Variants in ADGRL3 observed in about 807,000 individuals in gnomAD.
ADGRL3 encodes calcium-independent alpha-latrotoxin receptor 3.
Under a neutral mutation model 153.5 loss-of-function variants are expected in ADGRL3, and 62 were observed. That is an observed-to-expected ratio of 0.40 (90% CI 0.33 to 0.50). The LOEUF (loss-of-function observed/expected upper bound fraction) is 0.50, where lower values mean the gene tolerates loss of function less well. Among genes scored for constraint, ADGRL3 ranks in the 20% least tolerant of loss-of-function variants. The pLI is 0.47. For missense variants in ADGRL3, 1,641 were observed against 1,859.4 expected (o/e 0.88, Z 2.16); for synonymous variants, 710 against 672.5 (o/e 1.06, Z -0.86).
At chr4:61,621,838 A>G (rs1279156605) in intron 5 of ADGRL3, among the ~76,000 whole-genome samples, 2 of 152,150 alleles carry the variant, frequency 1.3e-5, no homozygotes, top group African/African-American at 2.4e-5. Context: ...AAATAGTTAT[A>G]TGTCTCCTTT....
At chr4:61,294,903 T>TCACACA (rs3035670) in intron 1 of ADGRL3, among the ~76,000 whole-genome samples, 1 of 130,936 alleles carries the variant, frequency 7.6e-6, no homozygotes, top group East Asian at 2.4e-4. Context: ...ACACACACAC[T>TCACACA]CACACACACA....
At position 61,909,761 on chromosome 4, in the gene ADGRL3, ATGTGTGTGTGTGTGTGTGTGTGTGTGTG is replaced by A. The variant is rs58884223; in HGVS notation, c.2073+30_2073+57del. 5.0e-6 allele frequency: 6 copies of A among 1,196,324 alleles called. No homozygotes were observed. Among genetic ancestry groups the A allele is most frequent in the African/African-American group, 1.6e-5 (1 of 62,350 alleles). The allele number at this position is 1,196,324 out of a possible 1,614,324, so 74.1% of individuals were successfully genotyped here. ...TTTGAACAAGGTAAGGACCCTAATT[ATGTGTGTGTGTGTGTGTGTGTGTGTGTG>A]TGTGTGTGTGTGTCTTTAAAGTTGT... On this transcript the variant is annotated intron_variant, in intron 12 of 26. Transcript: ENST00000683033.
chr4:61,326,599 A>G (rs1228099112), intron 1 of ADGRL3, among the ~76,000 whole-genome samples: 6 of 140,730 alleles, frequency 4.3e-5, no homozygotes, highest in African/African-American at 1.3e-4. Context: ...ATGCCAGATA[A>G]TGTGTGTGTG....
At chr4:61,335,658 T>A (rs768442867) in intron 1 of ADGRL3, among the ~76,000 whole-genome samples, 2 of 152,112 alleles carry the variant, frequency 1.3e-5, no homozygotes, top group Non-Finnish European at 2.9e-5. Context: ...TGGCTGATGA[T>A]TTGAGGAAAT....
intron 2 of ADGRL3, among the ~76,000 whole-genome samples, chr4:61,487,870 A>C (rs1271488475): frequency 2.0e-5 from 3 of 152,042 alleles, no homozygotes; most frequent in African/African-American, 7.2e-5. Context: ...GAGTCAAGCA[A>C]GTGTTTTCCA....
At chr4:61,377,802 T>G (rs1234094904) in intron 1 of ADGRL3, among the ~76,000 whole-genome samples, 2 of 151,946 alleles carry the variant, frequency 1.3e-5, no homozygotes, top group Non-Finnish European at 2.9e-5. Flanking sequence ...ATTTGAGATC[T>G]TCCTACTTTT....
Position 61,979,609 on chromosome 4 carries a change from T to A in ADGRL3, c.2852T>A (p.Val951Asp), listed in dbSNP as rs1376731758. The A allele has an allele frequency of 6.2e-7, 1 of 1,613,798 alleles. No homozygotes were observed. The highest frequency in any genetic ancestry group is 8.5e-7 in the Non-Finnish European group (1 of 1,179,856). The change falls in exon 18 of 27, where the codon GTT (valine) becomes GAT (aspartate). Residue 951 changes from valine (V) to aspartate (D), a missense_variant. This residue lies in a region of ADGRL3 where 734 missense variants were observed against 797.0 expected (regional missense o/e 0.92). Transcript: ENST00000683033. ...HDLLLDVITWVGILLSLVCLL... is the reference protein window; with the variant it reads ...HDLLLDVITWDGILLSLVCLL... ...CTCCTTCTGGATGTGATCACGTGGG[T>A]TGGAATTTTGCTGTCCCTTGTTTGT...
chr4:61,659,343 G>T (rs571803644), intron 5 of ADGRL3, among the ~76,000 whole-genome samples: 2 of 152,050 alleles, frequency 1.3e-5, no homozygotes, highest in South Asian at 4.1e-4. Flanking sequence ...CGTATCATCC[G>T]TGCATAGATG....
At chr4:61,468,799 G>A (rs2097913359) in intron 2 of ADGRL3, among the ~76,000 whole-genome samples, 1 of 152,022 alleles carries the variant, frequency 6.6e-6, no homozygotes, top group South Asian at 2.1e-4. Flanking sequence ...ACTCAACCAA[G>A]GGAAAAAGAG....
At chr4:61,996,440 C>A in intron 20 of ADGRL3, 83 bp downstream of exon 20, 2 of 955,782 alleles carry the variant, frequency 2.1e-6, no homozygotes, top group South Asian at 1.5e-5. Context: ...CTTTAATTTA[C>A]AGAGGTTAAT....
rs562506435 is a variant in ADGRL3 at position 61,732,155 on chromosome 4, A to C, written c.599-599A>C. On this transcript the variant is annotated intron_variant, in intron 7 of 26. Transcript: ENST00000683033. ...TTTTCTTCCTTTCTCTTTTCCTTCC[A>C]GTATCCATCCATCACTCATTTTTAA... Among the ~76,000 whole-genome samples, 651 of 151,182 alleles carry C rather than the reference A, an allele frequency of 4.3e-3. 5 individuals carry two copies. The highest frequency in any genetic ancestry group is 7.1e-3 in the Admixed American group (107 of 15,150).
At chr4:61,837,606 A>T (rs2097956144) in intron 9 of ADGRL3, among the ~76,000 whole-genome samples, 1 of 152,110 alleles carries the variant, frequency 6.6e-6, no homozygotes. Flanking sequence ...ACCCACTAGG[A>T]GTAGTCTCAC....
chr4:61,465,444 G>A (rs2097867207), intron 2 of ADGRL3, among the ~76,000 whole-genome samples: 1 of 151,718 alleles, frequency 6.6e-6, no homozygotes, highest in Non-Finnish European at 1.5e-5. Flanking sequence ...ACAATACACA[G>A]AATTATGTCT....
intron 2 of ADGRL3, among the ~76,000 whole-genome samples, chr4:61,405,146 G>A (rs556709795): frequency 1.3e-5 from 2 of 151,926 alleles, no homozygotes; most frequent in African/African-American, 4.8e-5. Flanking sequence ...TAGACTTCAT[G>A]AGTCTTTGGA....
rs1271273448 is a variant in ADGRL3, at chr4:61,383,149, GA to G, written c.-207del. ...AAATGTTTAATTTGGTAAATTGGAGGAAAAAAACATGGATTTTTAGCAATTG... is the reference window on the plus strand; with the variant it reads ...AAATGTTTAATTTGGTAAATTGGAGGAAAAAACATGGATTTTTAGCAATTG... On this transcript the variant is annotated 5_prime_UTR_variant, in exon 2 of 27. The change abolishes the stop of an existing upstream ORF in the 5' untranslated region. Transcript: ENST00000683033. 2.0e-5 allele frequency: 3 copies of G among 150,484 alleles called. No individual in the cohort carries two copies. The highest frequency in any genetic ancestry group is 2.1e-4 in the South Asian group (1 of 4,738). 9.3% of individuals were successfully genotyped at this position (150,484 alleles called of 1,614,324 possible).
At position 61,869,936 on chromosome 4, in the gene ADGRL3, T is replaced by TAAAA. The variant is rs1190618911; in HGVS notation, c.1481-22698_1481-22695dup. On this transcript the variant is annotated intron_variant, in intron 9 of 26. Transcript: ENST00000683033. Reference sequence around the variant, plus strand: ...CTGGGCAACAAGAGCAAAACTTTGTTAAAAAAAAAAAAAAAAAAAAAAAAA... The same window carrying TAAAA: ...CTGGGCAACAAGAGCAAAACTTTGTTAAAAAAAAAAAAAAAAAAAAAAAAAAAAA... Among the ~76,000 whole-genome samples the TAAAA allele has an allele frequency of 8.1e-3, 85 of 10,502 alleles. 12 individuals carry two copies. Among genetic ancestry groups the TAAAA allele is most frequent in the African/African-American group, 0.016 (73 of 4,444 alleles). The allele number at this position is 10,502 out of a possible 152,430, so 6.9% of individuals were successfully genotyped here.
intron 8 of ADGRL3, 147 bp downstream of exon 8, chr4:61,733,701 T>G (rs1352615417): frequency 1.6e-6 from 1 of 639,612 alleles, no homozygotes; most frequent in African/African-American, 1.8e-5. Flanking sequence ...CTAAAGAAGG[T>G]TGCTGCTGAT....
At chr4:62,013,938 TA>T (rs2099199407) in intron 21 of ADGRL3, among the ~76,000 whole-genome samples, 1 of 152,036 alleles carries the variant, frequency 6.6e-6, no homozygotes. Context: ...TCTTCAGCAT[TA>T]TTCAGCTACT....
At chr4:61,784,351 G>A (rs373689270) in intron 8 of ADGRL3, among the ~76,000 whole-genome samples, 23 of 152,064 alleles carry the variant, frequency 1.5e-4, no homozygotes, top group South Asian at 1.5e-3. Context: ...ATACAATTCC[G>A]AAATGTGAGA....
Sources: gnomAD v4.1 joint callset for allele counts (sites outside exome capture counted in the v4.1 genomes callset) on GRCh38, gnomAD v4.1.1 for gene constraint, gnomAD v4.1.1 regional missense constraint, MANE v1.5 for transcripts, NCBI Gene and HGNC (gene_info 2026-07-23, HGNC 2026-07-21) for gene names.